Variants in RGS6 observed in about 807,000 individuals in gnomAD.
The protein encoded by RGS6 is regulator of G protein signaling 6.
Under a neutral mutation model 78.5 loss-of-function variants are expected in RGS6, and 30 were observed. The ratio of observed to expected loss-of-function variants is 0.38; its 90% CI spans 0.29 to 0.52. RGS6 has a LOEUF of 0.52. RGS6 is among the 20% of genes least tolerant of loss of function. The pLI is 0.85. For missense variants in RGS6, 495 were observed against 609.7 expected (o/e 0.81, Z 1.98); for synonymous variants, 206 against 206.0 (o/e 1.00, Z 0.00).
intron 8 of RGS6, among the ~76,000 whole-genome samples, chr14:72,472,612 C>T (rs1052154303): frequency 6.6e-6 from 1 of 152,100 alleles, no homozygotes; most frequent in Admixed American, 6.5e-5. Context: ...TCCCTTAGGC[C>T]ACCATGTTCA....
At chr14:72,465,634 A>G (rs1047597925) in intron 6 of RGS6, 124 bp from the exon 7 acceptor site, 4 of 643,674 alleles carry the variant, frequency 6.2e-6, no homozygotes, top group African/African-American at 1.9e-5. Flanking sequence ...GGATGGATGG[A>G]TGGATGGATG....
intron 2 of RGS6, among the ~76,000 whole-genome samples, chr14:72,193,446 A>G (rs12895540): frequency 0.19 from 29,123 of 152,118 alleles, 2,971 homozygotes; most frequent in African/African-American, 0.26. Context: ...GACCTCAGGA[A>G]TCGGCTTCCA....
chr14:71,937,216 T>C (rs2089604914), intron 1 of RGS6, among the ~76,000 whole-genome samples: 1 of 152,188 alleles, frequency 6.6e-6, no homozygotes, highest in African/African-American at 2.4e-5. Flanking sequence ...TCCCAAACTG[T>C]CCAGGTGGCA....
chr14:72,414,207 A>T (rs2093636671), intron 3 of RGS6, among the ~76,000 whole-genome samples: 1 of 152,178 alleles, frequency 6.6e-6, no homozygotes, highest in South Asian at 2.1e-4. Flanking sequence ...CAGGTACACC[A>T]ATCAGACGTA....
intron 2 of RGS6, among the ~76,000 whole-genome samples, chr14:72,027,537 A>AC (rs34992086): frequency 0.13 from 19,787 of 151,990 alleles, 1,340 homozygotes; most frequent in East Asian, 0.17. Context: ...TGGTTTTACT[A>AC]CCCTGTTGTA....
At chr14:72,374,135 A>C (rs1381398533) in intron 3 of RGS6, among the ~76,000 whole-genome samples, 1 of 152,308 alleles carries the variant, frequency 6.6e-6, no homozygotes, top group Non-Finnish European at 1.5e-5. Context: ...ACATGTGCAC[A>C]ACATGCAGGT....
chr14:72,556,690 C>CGGGGAGGGGGGGGGG (rs2097581716), intron 17 of RGS6, among the ~76,000 whole-genome samples: 1 of 5,912 alleles, frequency 1.7e-4, no homozygotes, highest in Non-Finnish European at 3.1e-4. Flanking sequence ...GTCGGGGGGG[C>CGGGGAGGGGGGGGGG]GGGGTGGGGG....
intron 2 of RGS6, among the ~76,000 whole-genome samples, chr14:72,039,534 G>C (rs2092152073): frequency 6.6e-6 from 1 of 152,060 alleles, no homozygotes; most frequent in South Asian, 2.1e-4. Context: ...GTTACTATGT[G>C]CATGGAATAT....
At chr14:72,216,266 A>G (rs1481651388) in intron 2 of RGS6, among the ~76,000 whole-genome samples, 1 of 152,228 alleles carries the variant, frequency 6.6e-6, no homozygotes, top group African/African-American at 2.4e-5. Flanking sequence ...AGCAGGGTAT[A>G]GCCTTTGGTC....
chr14:72,555,595 C>T lies in RGS6; in HGVS notation c.1423-6822C>T, dbSNP rs540279056. 1.8e-4 allele frequency among the ~76,000 whole-genome samples: 27 copies of T among 152,276 alleles called. No individual in the cohort carries two copies. In the East Asian group the frequency reaches 4.2e-3, roughly 24 times the overall value. On this transcript the variant is annotated intron_variant, in intron 17 of 17. Coordinates refer to ENST00000553525, the MANE Select transcript of RGS6 (RefSeq NM_001204424.2). ...TTCATCCCTGAGTGTTTCCATCTGC[C>T]TCCTTCCTTGAGAGTGACAGCCATG...
chr14:72,332,113 A>G (rs1595896706), intron 2 of RGS6, among the ~76,000 whole-genome samples: 1 of 152,306 alleles, frequency 6.6e-6, no homozygotes, highest in South Asian at 2.1e-4. Flanking sequence ...TAGGAGGTGC[A>G]GCCTGTGGCC....
chr14:72,491,285 GA>G (rs34700041), intron 12 of RGS6, among the ~76,000 whole-genome samples: 92 of 149,094 alleles, frequency 6.2e-4, no homozygotes, highest in East Asian at 1.8e-3. Flanking sequence ...CCCAGAAGAT[GA>G]AAAAAAAAAA....
intron 2 of RGS6, among the ~76,000 whole-genome samples, chr14:72,116,457 A>G (rs2095887038): frequency 6.6e-6 from 1 of 151,518 alleles, no homozygotes; most frequent in Non-Finnish European, 1.5e-5. Context: ...GCATTTTAGG[A>G]TGTTTAACAG....
chr14:72,380,822 T>C (rs1485125547), intron 3 of RGS6, among the ~76,000 whole-genome samples: 1 of 152,042 alleles, frequency 6.6e-6, no homozygotes, highest in African/African-American at 2.4e-5. Context: ...CTACTGGACA[T>C]TTATGCAAAG....
chr14:72,459,617 C>T lies in RGS6; in HGVS notation c.343-15C>T. 6 of 1,613,986 alleles carry T rather than the reference C, an allele frequency of 3.7e-6. No homozygotes were observed. The highest frequency in any genetic ancestry group is 5.1e-6 in the Non-Finnish European group (6 of 1,179,976). ...TGGCGCGCCCCTGAGCACTAACACCCATGCTCCTTTGCAGGCTCCGTACTT... is the reference window on the plus strand; with the variant it reads ...TGGCGCGCCCCTGAGCACTAACACCTATGCTCCTTTGCAGGCTCCGTACTT... On this transcript the variant is annotated splice_polypyrimidine_tract_variant and intron_variant, in intron 5 of 17. Coordinates refer to ENST00000553525, the MANE Select transcript of RGS6 (RefSeq NM_001204424.2).
chr14:72,077,879 T>C (rs2094644404), intron 2 of RGS6, among the ~76,000 whole-genome samples: 1 of 152,222 alleles, frequency 6.6e-6, no homozygotes, highest in South Asian at 2.1e-4. Flanking sequence ...TCTTCTAATT[T>C]AAGTTAGAGT....
intron 2 of RGS6, among the ~76,000 whole-genome samples, chr14:72,182,671 A>G (rs2097189891): frequency 6.6e-6 from 1 of 152,192 alleles, no homozygotes; most frequent in African/African-American, 2.4e-5. Flanking sequence ...AAATGAAAAT[A>G]TGATGTTTTT....
intron 2 of RGS6, among the ~76,000 whole-genome samples, chr14:71,996,818 G>A (rs887615558): frequency 6.6e-6 from 1 of 152,110 alleles, no homozygotes; most frequent in African/African-American, 2.4e-5. Flanking sequence ...AAATGATGAC[G>A]AAGGATGGTA....
chr14:72,158,395 C>G (rs548690014), intron 2 of RGS6, among the ~76,000 whole-genome samples: 5 of 152,290 alleles, frequency 3.3e-5, no homozygotes, highest in African/African-American at 1.2e-4. Flanking sequence ...GATCCTGTCT[C>G]CAAAGATGGT....
Sources: gnomAD v4.1 joint callset for allele counts (sites outside exome capture counted in the v4.1 genomes callset) on GRCh38, gnomAD v4.1.1 for gene constraint, MANE v1.5 for transcripts, NCBI Gene and HGNC (gene_info 2026-07-23, HGNC 2026-07-21) for gene names.